Variants in MAN2C1 observed in about 807,000 individuals in gnomAD.
MAN2C1 encodes the protein mannosidase alpha class 2C member 1.
Under a neutral mutation model 126.9 loss-of-function variants are expected in MAN2C1, and 111 were observed. That is an observed-to-expected ratio of 0.87 (90% CI 0.75 to 1.02). The LOEUF (loss-of-function observed/expected upper bound fraction) is 1.02. Ranked by LOEUF, MAN2C1 falls within the 50% of genes least tolerant of loss-of-function variation. The pLI, the probability that MAN2C1 is intolerant of heterozygous loss-of-function variation, is 0.00. For missense variants in MAN2C1, 1,363 were observed against 1,364.4 expected (o/e 1.00, Z 0.02); for synonymous variants, 567 against 561.5 (o/e 1.01, Z -0.14).
In MAN2C1 at chr15:75,356,892, T is replaced by G. The variant is rs746763522; in HGVS notation, c.2558A>C (p.His853Pro). The G allele has an allele frequency of 6.8e-6, 11 of 1,613,924 alleles. No individual in the cohort carries two copies. In the East Asian group the frequency reaches 2.0e-4, roughly 29 times the overall value. ...WDWARFEVWA[H>P]RWMDLSEHGF... is the part of the protein sequence containing the mutation. ...GTGTTCTGACAGATCCATCCAGCGATGGGCCCACACCTGGAGGGCAGATCC... is the reference window on the plus strand; with the variant it reads ...GTGTTCTGACAGATCCATCCAGCGAGGGGCCCACACCTGGAGGGCAGATCC... The change falls in exon 22 of 26, where the codon CAT becomes CCT. Residue 853 changes from histidine to proline, a missense_variant. Physicochemically the swap from His to Pro is moderately conservative, Grantham distance 77. Around this residue, in one of 3 missense-constraint regions of MAN2C1, gnomAD observed 668 missense variants for 650.1 expected, o/e 1.03. Transcript: ENST00000267978. The surrounding 1 kb of genome is among the most constrained non-coding windows in gnomAD (Gnocchi z 5.8).
Position 75,358,448 on chromosome 15 carries a change from T to A in MAN2C1, c.2403+14A>T. ...ACACTTGGGGAAAACAGCCACCCCC[T>A]ACCCCCCGACTACCTCGGTGTGGAA... On this transcript the variant is annotated intron_variant, in intron 20 of 25. Transcript: ENST00000267978. 6.2e-7 allele frequency: 1 copy of A among 1,613,238 alleles called. No homozygotes were observed. The highest frequency in any genetic ancestry group is 8.5e-7 in the Non-Finnish European group (1 of 1,179,740).
At chr15:75,367,656 A>T in intron 2 of MAN2C1, 22 bp from the exon 3 acceptor site, 1 of 1,613,662 alleles carries the variant, frequency 6.2e-7, no homozygotes, top group Non-Finnish European at 8.5e-7. Flanking sequence ...CTGTTGTGAT[A>T]GGCCTAGAGG....
At chr15:75,360,833 C>G in intron 12 of MAN2C1, 145 bp from the exon 13 acceptor site, 1 of 1,208,610 alleles carries the variant, frequency 8.3e-7, no homozygotes, top group Non-Finnish European at 1.1e-6. Flanking sequence ...CCTGGACGCC[C>G]TAGGAGAGCC....
At chr15:75,364,271 G>A in intron 5 of MAN2C1, 83 bp from the exon 6 acceptor site, 1 of 1,428,644 alleles carries the variant, frequency 7.0e-7, no homozygotes, top group African/African-American at 1.4e-5. Flanking sequence ...GCTCTCAGCA[G>A]AGCTCCCCTG....
chr15:75,356,057 G>A lies in MAN2C1; in HGVS notation c.2997-25C>T, dbSNP rs1473313660. 1 of 1,613,736 alleles carries A rather than the reference G, an allele frequency of 6.2e-7. No homozygotes were observed. Among genetic ancestry groups the A allele is most frequent in the Non-Finnish European group, 8.5e-7 (1 of 1,179,834 alleles). ...GCTGGAGAACAGGAGGGGCCATGAA[G>A]GCTCTGCGAGGGCGAGACTCGACCC... On this transcript the variant is annotated intron_variant, in intron 25 of 25. Coordinates refer to ENST00000267978, the MANE Select transcript of MAN2C1 (RefSeq NM_006715.4). The surrounding 1 kb of genome is among the most constrained non-coding windows in gnomAD (Gnocchi z 5.8).
chr15:75,355,819 G>A lies in MAN2C1; in HGVS notation c.*87C>T. 6.8e-7 allele frequency: 1 copy of A among 1,466,764 alleles called. No homozygotes were observed. Among genetic ancestry groups the A allele is most frequent in the Non-Finnish European group, 9.3e-7 (1 of 1,076,978 alleles). 90.9% of individuals were successfully genotyped at this position (1,466,764 alleles called of 1,614,324 possible). On this transcript the variant is annotated 3_prime_UTR_variant, in exon 26 of 26. Transcript: ENST00000267978. ...CCCGATCCAAGGATTTATTCCACAA[G>A]AAAAGACTGATCCCTGCTTTAGGCT... is the stretch of plus-strand genomic sequence containing the variant.
Position 75,361,538 on chromosome 15 carries a change from G to A in MAN2C1, c.1218+66C>T. On this transcript the variant is annotated intron_variant, in intron 10 of 25. Transcript: ENST00000267978. This position sits in a 1 kb window ranked among gnomAD's most constrained non-coding sequence, Gnocchi z 5.0. ...CTGTCTAGGACCCCACAATAAGGGG[G>A]AGAGGCAAATGGGCCAGGCGGGACT... 8 of 1,365,050 alleles carry A rather than the reference G, an allele frequency of 5.9e-6. No homozygotes were observed. The South Asian group carries it at 9.3e-5, about 16-fold the overall frequency. 84.6% of individuals were successfully genotyped at this position (1,365,050 alleles called of 1,614,324 possible). A position where few individuals can be genotyped will look rare whatever the true frequency, so the allele number is the denominator to read the frequency against.
chr15:75,362,825 C>A lies in MAN2C1; in HGVS notation c.791-77G>T. On this transcript the variant is annotated intron_variant, in intron 6 of 25. Coordinates refer to ENST00000267978, the MANE Select transcript of MAN2C1 (RefSeq NM_006715.4). This position sits in a 1 kb window ranked among gnomAD's most constrained non-coding sequence, Gnocchi z 4.5. ...CTGGGCTGGGACTCCAGAGGGTCAC[C>A]TAGCCCCCCTCCCATCCCAGGCCCT... The A allele has an allele frequency of 8.2e-7, 1 of 1,218,998 alleles. No individual in the cohort carries two copies. The highest frequency in any genetic ancestry group is 1.2e-6 in the Non-Finnish European group (1 of 833,618). The allele number at this position is 1,218,998 out of a possible 1,614,324, so 75.5% of individuals were successfully genotyped here.
intron 21 of MAN2C1, 172 bp from the exon 22 acceptor site, chr15:75,357,074 T>C (rs1249752444): frequency 6.7e-6 from 4 of 601,296 alleles, no homozygotes; most frequent in Non-Finnish European, 1.2e-5. Context: ...AGCCTCAGTT[T>C]CCTTATCTGT....
At chr15:75,360,751 C>T (rs1237118675) in intron 12 of MAN2C1, 63 bp from the exon 13 acceptor site, 36 of 1,585,520 alleles carry the variant, frequency 2.3e-5, no homozygotes, top group Non-Finnish European at 2.8e-5. Flanking sequence ...CCTTCTTCCA[C>T]ACCAAAGCAA....
At chr15:75,360,782 A>G (rs1302802997) in intron 12 of MAN2C1, 94 bp from the exon 13 acceptor site, 27 of 1,503,902 alleles carry the variant, frequency 1.8e-5, no homozygotes, top group African/African-American at 1.4e-5. Context: ...TCCTACAGAG[A>G]GGAGCCACTC....
At chr15:75,359,827 A>G in intron 15 of MAN2C1, 52 bp from the exon 16 acceptor site, 1 of 1,613,150 alleles carries the variant, frequency 6.2e-7, no homozygotes, top group Non-Finnish European at 8.5e-7. Context: ...GAATGTGCCC[A>G]TGGGTATCCC....
chr15:75,364,702 T>C, intron 4 of MAN2C1, 37 bp from the exon 5 acceptor site: 3 of 1,566,580 alleles, frequency 1.9e-6, no homozygotes, highest in Non-Finnish European at 2.6e-6. Context: ...GCTAAGGGAC[T>C]GGCACAGTAC....
At position 75,356,434 on chromosome 15, in the gene MAN2C1, G is replaced by C. The variant is rs920872509; in HGVS notation, c.2753C>G (p.Ala918Gly). 6.2e-7 allele frequency: 1 copy of C among 1,603,520 alleles called. No homozygotes were observed. The highest frequency in any genetic ancestry group is 1.3e-5 in the African/African-American group (1 of 74,962). ...GCTGTAGGCAGCTTGGATAACGCCA[G>C]CATCCTGGAAAGAGCCTGGGGTACG... is the stretch of plus-strand genomic sequence containing the variant. Reference protein sequence around the residue: ...LMPHKGSFQDAGVIQAAYSLN... With the variant: ...LMPHKGSFQDGGVIQAAYSLN... Residue 918 changes from alanine (A) to glycine (G), a missense_variant, in exon 24 of 26, where the codon GCT (alanine) becomes GGT (glycine). Coordinates refer to ENST00000267978, the MANE Select transcript of MAN2C1 (RefSeq NM_006715.4). This position sits in a 1 kb window ranked among gnomAD's most constrained non-coding sequence, Gnocchi z 5.8.
rs750415160 is a variant in MAN2C1 at position 75,364,204 on chromosome 15, G to A, written c.601-16C>T. The A allele has an allele frequency of 1.2e-6, 2 of 1,600,968 alleles. No individual in the cohort carries two copies. The highest frequency in any genetic ancestry group is 4.5e-5 in the East Asian group (2 of 44,778). ...TCCCGAGGCCCTGCAGCAGGGTTCTGCCCCTTAATCCCTTTTTCAAGCACA... is the reference window on the plus strand; with the variant it reads ...TCCCGAGGCCCTGCAGCAGGGTTCTACCCCTTAATCCCTTTTTCAAGCACA... On this transcript the variant is annotated splice_polypyrimidine_tract_variant and intron_variant, in intron 5 of 25. Coordinates refer to ENST00000267978, the MANE Select transcript of MAN2C1 (RefSeq NM_006715.4).
chr15:75,363,858 C>A (rs1361777185), intron 6 of MAN2C1, 141 bp downstream of exon 6: 2 of 878,890 alleles, frequency 2.3e-6, no homozygotes, highest in South Asian at 3.4e-5. Flanking sequence ...TCCAGCCCCC[C>A]GGCCCCGTTT....
chr15:75,358,379 G>A (rs374209607), intron 20 of MAN2C1, 35 bp from the exon 21 acceptor site: 1 of 1,613,860 alleles, frequency 6.2e-7, no homozygotes, highest in Non-Finnish European at 8.5e-7. Flanking sequence ...GTCAGGGAAG[G>A]AAGAGACACA....
intron 6 of MAN2C1, chr15:75,363,419 C>T: frequency 2.4e-6 from 1 of 413,604 alleles, no homozygotes; most frequent in South Asian, 1.7e-5. Flanking sequence ...AGACTCCCCA[C>T]CATTGTGACA....
rs1486553694 is a variant in MAN2C1, at chr15:75,361,451, G to C, written c.1219-70C>G. ...GGCTGAGGCAGAGCCAGGCCTTCCAGACTTGGTCCTGCCCCTGCCTGCTAT... is the reference window on the plus strand; with the variant it reads ...GGCTGAGGCAGAGCCAGGCCTTCCACACTTGGTCCTGCCCCTGCCTGCTAT... On this transcript the variant is annotated intron_variant, in intron 10 of 25. Coordinates refer to ENST00000267978, the MANE Select transcript of MAN2C1 (RefSeq NM_006715.4). This position sits in a 1 kb window ranked among gnomAD's most constrained non-coding sequence, Gnocchi z 5.0. 7.3e-7 allele frequency: 1 copy of C among 1,369,320 alleles called. No individual in the cohort carries two copies. Among genetic ancestry groups the C allele is most frequent in the Non-Finnish European group, 1.0e-6 (1 of 965,034 alleles). 84.8% of individuals were successfully genotyped at this position (1,369,320 alleles called of 1,614,324 possible).
Sources: gnomAD v4.1 joint callset for allele counts on GRCh38, gnomAD v4.1.1 for gene constraint, gnomAD v4.1.1 regional missense constraint, Gnocchi (gnomAD v3.1) non-coding constraint, MANE v1.5 for transcripts, NCBI Gene and HGNC (gene_info 2026-07-23, HGNC 2026-07-21) for gene names.